MPP7: variants seen among roughly 807,000 people sequenced by gnomAD.
The protein encoded by MPP7 is MAGUK p55 subfamily member 7.
MPP7 carries 60 observed loss-of-function variants against 76.5 expected under a neutral mutation model. The observed-to-expected ratio is 0.78, with a 90% CI of 0.64 to 0.97. The LOEUF (loss-of-function observed/expected upper bound fraction) is 0.97. Among genes scored for constraint, MPP7 ranks in the 50% least tolerant of loss-of-function variants. The probability of loss-of-function intolerance (pLI) is 0.00; values close to 1 mark genes in which losing one functional copy is unlikely to be tolerated. For missense variants in MPP7, 641 were observed against 694.0 expected (o/e 0.92, Z 0.86); for synonymous variants, 237 against 244.5 (o/e 0.97, Z 0.29).
At chr10:28,125,306 G>A (rs557303872) in intron 6 of MPP7, among the ~76,000 whole-genome samples, 1 of 152,214 alleles carries the variant, frequency 6.6e-6, no homozygotes, top group Non-Finnish European at 1.5e-5. Context: ...GCATCAAAGG[G>A]TTTCAGCCCA....
At chr10:28,275,598 C>T (rs1252980811) in intron 1 of MPP7, among the ~76,000 whole-genome samples, 1 of 151,876 alleles carries the variant, frequency 6.6e-6, no homozygotes, top group African/African-American at 2.4e-5. Flanking sequence ...GTAAAGAAGA[C>T]ATTTCACAGT....
intron 1 of MPP7, among the ~76,000 whole-genome samples, chr10:28,242,165 G>A (rs2132776591): frequency 6.6e-6 from 1 of 152,212 alleles, no homozygotes; most frequent in East Asian, 1.9e-4. Context: ...AAGTGTTCAA[G>A]AATATGAAAA....
intron 2 of MPP7, among the ~76,000 whole-genome samples, chr10:28,205,822 A>T (rs1033820156): frequency 1.3e-5 from 2 of 152,216 alleles, no homozygotes; most frequent in African/African-American, 4.8e-5. Context: ...TCCCCTAAAA[A>T]GCATGTATCA....
intron 2 of MPP7, among the ~76,000 whole-genome samples, chr10:28,310,020 T>TTTAAA (rs57172078): frequency 6.9e-6 from 1 of 144,190 alleles, no homozygotes; most frequent in African/African-American, 2.6e-5. Flanking sequence ...TTTTTTTTTT[T>TTTAAA]AAACGGAGTC....
chr10:28,056,564 T>C lies in MPP7; in HGVS notation c.1467A>G (p.Pro489=), dbSNP rs201809680. 1.2e-6 allele frequency: 2 copies of C among 1,611,850 alleles called. No homozygotes were observed. Among genetic ancestry groups the C allele is most frequent in the Middle Eastern group, 3.3e-4 (2 of 6,054 alleles). Residue 489 remains proline (P), a synonymous_variant, in exon 16 of 17, where the codon CCA becomes CCG. Transcript: ENST00000683449. ...FKPYVIFIKP[P]SIERLRETRK... is the part of the protein sequence containing the mutation. ...TTGTTTCTCTCAAACGCTCTATTGA[T>C]GGAGGCTTTATAAATATCACATAGG...
intron 3 of MPP7, among the ~76,000 whole-genome samples, chr10:28,179,241 C>A (rs907765509): frequency 3.9e-5 from 6 of 152,254 alleles, no homozygotes; most frequent in South Asian, 2.1e-4. Flanking sequence ...GTGATCAGTT[C>A]TTCAATAAAA....
At chr10:28,096,807 T>C (rs1211979355) in intron 11 of MPP7, among the ~76,000 whole-genome samples, 2 of 152,146 alleles carry the variant, frequency 1.3e-5, no homozygotes. Context: ...AAATCAGGCC[T>C]GGGAAGTGTG....
At chr10:28,139,074 A>C (rs1835432988) in intron 5 of MPP7, among the ~76,000 whole-genome samples, 1 of 152,164 alleles carries the variant, frequency 6.6e-6, no homozygotes, top group Non-Finnish European at 1.5e-5. Context: ...CGAACATAGA[A>C]ATGATAACAA....
At chr10:28,230,191 A>G (rs1454013270) in intron 2 of MPP7, among the ~76,000 whole-genome samples, 1 of 152,226 alleles carries the variant, frequency 6.6e-6, no homozygotes, top group Non-Finnish European at 1.5e-5. Context: ...TATTCTAATC[A>G]GTCCAAAGAA....
At chr10:28,296,199 G>A (rs1841032163) in intron 1 of MPP7, among the ~76,000 whole-genome samples, 1 of 152,080 alleles carries the variant, frequency 6.6e-6, no homozygotes, top group African/African-American at 2.4e-5. Flanking sequence ...AATCTGCCTG[G>A]CTACTTACAA....
intron 2 of MPP7, among the ~76,000 whole-genome samples, chr10:28,228,399 G>A (rs564045546): frequency 3.7e-4 from 56 of 152,204 alleles, no homozygotes; most frequent in African/African-American, 1.2e-3. Flanking sequence ...TGAGGTTAAC[G>A]AGACTTCCCT....
chr10:28,261,381 T>C (rs1446183968), intron 1 of MPP7, among the ~76,000 whole-genome samples: 1 of 152,174 alleles, frequency 6.6e-6, no homozygotes, highest in Middle Eastern at 3.2e-3. Context: ...GCTTTTTATA[T>C]TGAAATGAGT....
chr10:28,176,232 A>G (rs532054575), intron 3 of MPP7, among the ~76,000 whole-genome samples: 1 of 151,898 alleles, frequency 6.6e-6, no homozygotes, highest in East Asian at 2.0e-4. Context: ...TCTCAATTCT[A>G]GAAATCTACC....
rs569380418 is a variant in MPP7 at position 28,134,073 on chromosome 10, T to C, written c.316-2382A>G. Reference sequence around the variant, plus strand: ...GATGTTATTTAAGTATATTTAAGAGTAGAATGTCTGGGTCATAGATATATA... The same window carrying C: ...GATGTTATTTAAGTATATTTAAGAGCAGAATGTCTGGGTCATAGATATATA... On this transcript the variant is annotated intron_variant, in intron 5 of 16. Coordinates refer to ENST00000683449, the MANE Select transcript of MPP7 (RefSeq NM_001318170.2). Among the ~76,000 whole-genome samples, 22 of 152,322 alleles carry C rather than the reference T, an allele frequency of 1.4e-4. No homozygotes were observed. The South Asian group carries it at 2.5e-3, about 17-fold the overall frequency.
intron 2 of MPP7, among the ~76,000 whole-genome samples, chr10:28,234,534 T>C (rs1361686235): frequency 1.3e-5 from 2 of 152,166 alleles, no homozygotes; most frequent in Admixed American, 1.3e-4. Flanking sequence ...TGGGGAAACC[T>C]GACACACAGT....
chr10:28,054,953 A>C (rs1321376415), intron 16 of MPP7, among the ~76,000 whole-genome samples: 1 of 152,222 alleles, frequency 6.6e-6, no homozygotes, highest in African/African-American at 2.4e-5. Flanking sequence ...TGCTGGGATT[A>C]CAGGCATGAG....
At chr10:28,295,319 T>C (rs1224473023) in intron 1 of MPP7, among the ~76,000 whole-genome samples, 1 of 152,086 alleles carries the variant, frequency 6.6e-6, no homozygotes, top group East Asian at 1.9e-4. Flanking sequence ...CTTGACAAAA[T>C]GCCTAATCTC....
Position 28,119,678 on chromosome 10 carries a change from G to A in MPP7, c.925C>T (p.Pro309Ser). The A allele has an allele frequency of 2.5e-6, 4 of 1,613,600 alleles. No individual in the cohort carries two copies. Among genetic ancestry groups the A allele is most frequent in the Non-Finnish European group, 3.4e-6 (4 of 1,179,702 alleles). ...GATTTCCTGTTGGAAACTTTCAGGGGCTGAACCAATATTTCTGGTCGTCTC... is the reference window on the plus strand; with the variant it reads ...GATTTCCTGTTGGAAACTTTCAGGGACTGAACCAATATTTCTGGTCGTCTC... ...ALRRPEILVQ[P>S]LKVSNRKSSG... Residue 309 changes from proline to serine, a missense_variant, in exon 11 of 17, where the codon CCC becomes TCC. Physicochemically the swap from Pro to Ser is moderately conservative, Grantham distance 74 (BLOSUM62 -1). Transcript: ENST00000683449.
chr10:28,118,367 C>T (rs921132239), intron 11 of MPP7: 2 of 978,342 alleles, frequency 2.0e-6, no homozygotes, highest in Admixed American at 1.2e-4. Flanking sequence ...TTCTAAGTTG[C>T]CTAGGACTGA....
Sources: gnomAD v4.1 joint callset for allele counts (sites outside exome capture counted in the v4.1 genomes callset) on GRCh38, gnomAD v4.1.1 for gene constraint, MANE v1.5 for transcripts, NCBI Gene and HGNC (gene_info 2026-07-23, HGNC 2026-07-21) for gene names.